The following ELFN1 variants were observed in gnomAD, a reference collection of about 807,000 sequenced individuals.
The protein encoded by ELFN1 is protein ELFN1.
A neutral mutation model predicts 7.6 loss-of-function variants in ELFN1; 6 were observed. That is an observed-to-expected ratio of 0.79 (90% CI 0.43 to 1.56). The LOEUF (loss-of-function observed/expected upper bound fraction) is 1.56. Ranked by LOEUF, ELFN1 falls within the 40% of genes most tolerant of loss-of-function variation. The probability of loss-of-function intolerance (pLI) is 0.01; values close to 1 mark genes in which losing one functional copy is unlikely to be tolerated. For missense variants in ELFN1, 1,169 were observed against 1,232.2 expected, an observed-to-expected ratio of 0.95 and a Z score of 0.77; for synonymous variants, 657 against 588.1, an observed-to-expected ratio of 1.12 and a Z score of -1.70.
intron 3 of ELFN1, among the ~76,000 whole-genome samples, chr7:1,730,972 C>T (rs754440845): frequency 5.9e-5 from 9 of 152,156 alleles, no homozygotes; most frequent in Non-Finnish European, 1.2e-4. Flanking sequence ...GGCTGGAAAT[C>T]AAACCAACAT....
chr7:1,737,627 C>T (rs1051904868), intron 3 of ELFN1, among the ~76,000 whole-genome samples: 27 of 152,286 alleles, frequency 1.8e-4, no homozygotes, highest in Non-Finnish European at 2.9e-4. Flanking sequence ...CTCATTCCAT[C>T]GGGGGCATTC....
At chr7:1,718,657 G>A (rs577221367) in intron 3 of ELFN1, among the ~76,000 whole-genome samples, 169 of 152,220 alleles carry the variant, frequency 1.1e-3, no homozygotes, top group South Asian at 3.9e-3. Flanking sequence ...CAGGATGTGC[G>A]GTCACCCCAC....
intron 2 of ELFN1, among the ~76,000 whole-genome samples, chr7:1,690,313 G>A (rs554626040): frequency 3.7e-4 from 55 of 150,562 alleles, no homozygotes; most frequent in Non-Finnish European, 7.4e-4. Flanking sequence ...GTGGATTGGT[G>A]GGTGGGTGGA....
At position 1,678,317 on chromosome 7, in the gene ELFN1, A is replaced by G. The variant is rs368034736; in HGVS notation, c.-549+7963A>G. ...AGCTCCCATCCTGCCACGACCACCC[A>G]GGGCACCTGAGCCTCACACCCCATA... is the stretch of plus-strand genomic sequence containing the variant. On this transcript the variant is annotated intron_variant, in intron 1 of 3. Coordinates refer to ENST00000424383, the MANE Select transcript of ELFN1 (RefSeq NM_001128636.4). Among the ~76,000 whole-genome samples the G allele has an allele frequency of 6.6e-5, 10 of 152,258 alleles. 1 individual carries two copies. In the South Asian group the frequency reaches 1.0e-3, roughly 16 times the overall value.
intron 1 of ELFN1, among the ~76,000 whole-genome samples, chr7:1,674,242 G>A (rs1778824868): frequency 6.6e-6 from 1 of 152,164 alleles, no homozygotes; most frequent in Non-Finnish European, 1.5e-5. Flanking sequence ...GGCCATGGGG[G>A]TGCACAGGAG....
intron 3 of ELFN1, among the ~76,000 whole-genome samples, chr7:1,732,727 T>G (rs1032995764): frequency 3.3e-5 from 5 of 151,956 alleles, no homozygotes; most frequent in African/African-American, 1.2e-4. Flanking sequence ...GGGAGAAATA[T>G]GCCCCACGGA....
chr7:1,701,475 G>A (rs769433741), intron 2 of ELFN1, among the ~76,000 whole-genome samples: 13 of 152,110 alleles, frequency 8.5e-5, no homozygotes, highest in Admixed American at 2.0e-4. Flanking sequence ...ATATATTCTT[G>A]CATGAGTGGG....
At position 1,744,556 on chromosome 7, in the gene ELFN1, C is replaced by T. The variant is rs1284936476; in HGVS notation, c.-41C>T. 7.6e-6 allele frequency: 11 copies of T among 1,456,822 alleles called. No individual in the cohort carries two copies. Among genetic ancestry groups the T allele is most frequent in the Middle Eastern group, 2.4e-4 (1 of 4,240 alleles). The allele number at this position is 1,456,822 out of a possible 1,614,324, so 90.2% of individuals were successfully genotyped here. A position where few individuals can be genotyped will look rare whatever the true frequency, so the allele number is the denominator to read the frequency against. On this transcript the variant is annotated 5_prime_UTR_variant, in exon 4 of 4. Transcript: ENST00000424383. ...GGCGCCTGGCCCCCCACCTGGTCCC[C>T]CTGGGCAGGCTGAATTGGGGCTCCC...
chr7:1,682,667 A>G (rs563340847), intron 1 of ELFN1, among the ~76,000 whole-genome samples: 13 of 148,280 alleles, frequency 8.8e-5, no homozygotes, highest in African/African-American at 3.2e-4. Context: ...CTGGTCTTGA[A>G]CTCCTCTCCT....
At chr7:1,689,457 C>T (rs1431977421) in intron 2 of ELFN1, among the ~76,000 whole-genome samples, 1 of 152,188 alleles carries the variant, frequency 6.6e-6, no homozygotes, top group African/African-American at 2.4e-5. Flanking sequence ...CCACTGGTTG[C>T]TAAGGAACCA....
intron 3 of ELFN1, among the ~76,000 whole-genome samples, chr7:1,736,844 A>G (rs1780461361): frequency 6.6e-6 from 1 of 152,126 alleles, no homozygotes; most frequent in African/African-American, 2.4e-5. Context: ...CAACTCCAGT[A>G]TTCAGACGGG....
At chr7:1,706,558 G>C (rs994096508) in intron 2 of ELFN1, among the ~76,000 whole-genome samples, 1 of 152,184 alleles carries the variant, frequency 6.6e-6, no homozygotes, top group African/African-American at 2.4e-5. Flanking sequence ...GCGTGCCCCC[G>C]GCCTTCCCAG....
At chr7:1,731,920 G>A (rs1780333608) in intron 3 of ELFN1, among the ~76,000 whole-genome samples, 1 of 152,258 alleles carries the variant, frequency 6.6e-6, no homozygotes, top group Non-Finnish European at 1.5e-5. Flanking sequence ...AAAGTGCTGG[G>A]ATTATAAGCA....
chr7:1,742,656 C>T (rs60089880), intron 3 of ELFN1, among the ~76,000 whole-genome samples: 3,504 of 152,296 alleles, frequency 0.023, 133 homozygotes, highest in African/African-American at 0.081. Flanking sequence ...AGGTCCTGCC[C>T]GGCTGGGCTT....
intron 2 of ELFN1, among the ~76,000 whole-genome samples, chr7:1,696,224 GAA>G (rs1487618756): frequency 1.3e-5 from 2 of 151,290 alleles, no homozygotes; most frequent in Middle Eastern, 3.2e-3. Flanking sequence ...GAGGGAGAAA[GAA>G]AGAGACAGAG....
chr7:1,720,999 A>AATGATC (rs1780005100), intron 3 of ELFN1, among the ~76,000 whole-genome samples: 1 of 152,162 alleles, frequency 6.6e-6, no homozygotes, highest in Non-Finnish European at 1.5e-5. Flanking sequence ...GGAAAATGAG[A>AATGATC]ATGATCAGAA....
chr7:1,704,251 C>T (rs1779485291), intron 2 of ELFN1, among the ~76,000 whole-genome samples: 1 of 152,122 alleles, frequency 6.6e-6, no homozygotes. Flanking sequence ...GGTGGGGCCA[C>T]CTCCTTTTCC....
chr7:1,683,992 A>T (rs967298413), intron 1 of ELFN1, among the ~76,000 whole-genome samples: 1 of 152,224 alleles, frequency 6.6e-6, no homozygotes, highest in Non-Finnish European at 1.5e-5. Context: ...CTACAAAAAA[A>T]TTTTTAAATT....
chr7:1,667,310 C>T (rs1483256895), upstream of ELFN1, among the ~76,000 whole-genome samples: 1 of 152,272 alleles, frequency 6.6e-6, no homozygotes, highest in Non-Finnish European at 1.5e-5. The surrounding 1 kb of genome is among the most constrained non-coding windows in gnomAD (Gnocchi z 8.2). Context: ...CGCCCTTCCT[C>T]CCAACCCACG....
Sources: allele counts gnomAD v4.1 joint callset (sites outside exome capture counted in the v4.1 genomes callset), GRCh38; gene constraint gnomAD v4.1.1; non-coding constraint Gnocchi (gnomAD v3.1); transcripts MANE v1.5; gene names NCBI Gene and HGNC (gene_info 2026-07-23, HGNC 2026-07-21).